Variants in AFF3 observed in about 807,000 individuals in gnomAD.
AFF3 encodes the protein AF4/FMR2 family member 3.
In AFF3, 32 loss-of-function variants were observed where a neutral mutation model predicts 129.7. The observed-to-expected ratio is 0.25, with a 90% CI of 0.19 to 0.33. AFF3 has a LOEUF of 0.33. AFF3 is among the 10% of genes least tolerant of loss of function. AFF3 has a pLI of 1.00. For missense variants in AFF3, 1,373 were observed against 1,592.0 expected (o/e 0.86, Z 2.34); for synonymous variants, 644 against 635.4 (o/e 1.01, Z -0.20).
At chr2:99,876,046 T>A (rs1692270012) in intron 7 of AFF3, among the ~76,000 whole-genome samples, 1 of 152,166 alleles carries the variant, frequency 6.6e-6, no homozygotes, top group African/African-American at 2.4e-5. Context: ...AGTTTTTTCC[T>A]GATTCTCACT....
intron 7 of AFF3, among the ~76,000 whole-genome samples, chr2:99,847,123 T>C (rs973669456): frequency 1.3e-5 from 2 of 152,176 alleles, no homozygotes; most frequent in African/African-American, 2.4e-5. Context: ...CCAAGTTTTA[T>C]ATTTTTAAAT....
At chr2:99,592,880 G>C (rs1678828370) in intron 15 of AFF3, among the ~76,000 whole-genome samples, 1 of 150,978 alleles carries the variant, frequency 6.6e-6, no homozygotes. Context: ...AGGTTGCAGT[G>C]AACCGAGATT....
chr2:99,892,148 G>A (rs1003031869), intron 7 of AFF3, among the ~76,000 whole-genome samples: 1 of 151,864 alleles, frequency 6.6e-6, no homozygotes, highest in Non-Finnish European at 1.5e-5. Context: ...TGAAGGTCTC[G>A]CACAAATGTT....
chr2:99,636,462 C>T (rs1160644757), intron 13 of AFF3, among the ~76,000 whole-genome samples: 2 of 152,188 alleles, frequency 1.3e-5, no homozygotes, highest in Non-Finnish European at 2.9e-5. Flanking sequence ...ATGGAACCGA[C>T]CTGAAATTAA....
intron 2 of AFF3, chr2:100,105,996 C>T: frequency 7.6e-7 from 1 of 1,324,172 alleles, no homozygotes; most frequent in Non-Finnish European, 1.0e-6. Flanking sequence ...GTGACGGGAT[C>T]CCTCCAGCGT....
chr2:99,573,552 G>A (rs1464167844), intron 18 of AFF3, among the ~76,000 whole-genome samples: 1 of 152,180 alleles, frequency 6.6e-6, no homozygotes, highest in Non-Finnish European at 1.5e-5. Flanking sequence ...ACTAAATCAT[G>A]CTGCTAGGGA....
intron 2 of AFF3, among the ~76,000 whole-genome samples, chr2:100,112,798 A>G (rs974717637): frequency 6.8e-6 from 1 of 146,390 alleles, no homozygotes; most frequent in African/African-American, 2.7e-5. Flanking sequence ...TTAGAGCTAC[A>G]GGCCCGAGGG....
chr2:100,059,207 C>T (rs1019886755), intron 4 of AFF3, among the ~76,000 whole-genome samples: 7 of 133,074 alleles, frequency 5.3e-5, no homozygotes, highest in African/African-American at 1.4e-4. Context: ...GAACCAAGAT[C>T]GTGCCACTGC....
At chr2:99,766,745 G>T (rs1264083820) in intron 8 of AFF3, among the ~76,000 whole-genome samples, 1 of 152,150 alleles carries the variant, frequency 6.6e-6, no homozygotes, top group Non-Finnish European at 1.5e-5. Context: ...AGTATAGCCT[G>T]ATAAAGTGCT....
At chr2:100,098,473 T>TC (rs1449071645) in intron 4 of AFF3, among the ~76,000 whole-genome samples, 1 of 148,660 alleles carries the variant, frequency 6.7e-6, no homozygotes, top group Non-Finnish European at 1.5e-5. Context: ...GGTTTTTTTT[T>TC]CTTAATTTGC....
chr2:100,022,958 C>T (rs1211801133), intron 4 of AFF3, among the ~76,000 whole-genome samples: 1 of 152,204 alleles, frequency 6.6e-6, no homozygotes, highest in Non-Finnish European at 1.5e-5. Flanking sequence ...TCTCCCCATC[C>T]TTGATCTCTG....
chr2:100,004,453 T>A (rs1447736513), intron 7 of AFF3, among the ~76,000 whole-genome samples: 9 of 152,156 alleles, frequency 5.9e-5, no homozygotes, highest in South Asian at 2.1e-4. Flanking sequence ...AATTTTATTT[T>A]TTTATTTATT....
intron 10 of AFF3, 124 bp from the exon 11 acceptor site, chr2:99,727,252 T>C: frequency 2.1e-6 from 2 of 958,164 alleles, no homozygotes; most frequent in South Asian, 3.3e-5. Context: ...AGGAGGCTTT[T>C]AAAACATCTT....
At chr2:99,932,200 T>A (rs1047376324) in intron 7 of AFF3, among the ~76,000 whole-genome samples, 107 of 152,044 alleles carry the variant, frequency 7.0e-4, no homozygotes, top group Admixed American at 6.9e-3. Context: ...ATTATGAGAT[T>A]TTTTTTGCGA....
intron 8 of AFF3, among the ~76,000 whole-genome samples, chr2:99,765,538 C>T (rs1004767129): frequency 1.4e-4 from 21 of 152,162 alleles, no homozygotes; most frequent in African/African-American, 5.1e-4. Flanking sequence ...TATTAGTGTC[C>T]TTATCTGTAA....
chr2:99,608,618 C>G (rs1202717733), intron 13 of AFF3, among the ~76,000 whole-genome samples: 1 of 152,078 alleles, frequency 6.6e-6, no homozygotes, highest in Non-Finnish European at 1.5e-5. Flanking sequence ...GGCAGTAGAC[C>G]CTCAGCTCCC....
chr2:99,873,231 T>A (rs1218877259), intron 7 of AFF3, among the ~76,000 whole-genome samples: 2 of 152,212 alleles, frequency 1.3e-5, no homozygotes, highest in African/African-American at 4.8e-5. Flanking sequence ...CATTCTTAAG[T>A]GAAACTGGCA....
At chr2:99,774,084 G>C (rs1683702220) in intron 8 of AFF3, among the ~76,000 whole-genome samples, 1 of 152,158 alleles carries the variant, frequency 6.6e-6, no homozygotes, top group Non-Finnish European at 1.5e-5. Context: ...AGAAATCAGA[G>C]ATGACACAAA....
chr2:99,554,692 G>A lies in AFF3; in HGVS notation c.3326C>T (p.Ala1109Val), dbSNP rs751310569. The A allele has an allele frequency of 1.9e-6, 3 of 1,614,124 alleles. No individual in the cohort carries two copies. Among genetic ancestry groups the A allele is most frequent in the South Asian group, 2.2e-5 (2 of 91,074 alleles). ...KAAQAPSPWG[A>V]SGKSTGTPSP... ...GGAAAAGCGAACTTACTTTCCACTGGCCCCCCACGGAGATGGGGCTTGGGC... is the reference window on the plus strand; with the variant it reads ...GGAAAAGCGAACTTACTTTCCACTGACCCCCCACGGAGATGGGGCTTGGGC... Residue 1109 changes from alanine (A) to valine (V), a missense_variant, in exon 23 of 25, where the codon GCC becomes GTC. By Grantham distance (64) the Ala-to-Val change is moderately conservative (BLOSUM62 0). Transcript: ENST00000672756.
Sources: gnomAD v4.1 joint callset for allele counts (sites outside exome capture counted in the v4.1 genomes callset) on GRCh38, gnomAD v4.1.1 for gene constraint, MANE v1.5 for transcripts, NCBI Gene and HGNC (gene_info 2026-07-23, HGNC 2026-07-21) for gene names.